ADGRV1: variants seen among roughly 807,000 people sequenced by gnomAD.
The protein encoded by ADGRV1 is adhesion G protein-coupled receptor V1.
A neutral mutation model predicts 596.2 loss-of-function variants in ADGRV1; 359 were observed. The ratio of observed to expected loss-of-function variants is 0.60; its 90% confidence interval spans 0.55 to 0.66. ADGRV1 has a LOEUF of 0.66. ADGRV1 is among the 30% of genes least tolerant of loss of function. ADGRV1 has a pLI of 0.00. For missense variants in ADGRV1, 7,274 were observed against 7,575.6 expected (o/e 0.96, Z 1.48); for synonymous variants, 2,681 against 2,679.2 (o/e 1.00, Z -0.02).
chr5:90,561,381 T>A (rs1754810268), intron 1 of ADGRV1, among the ~76,000 whole-genome samples: 1 of 152,124 alleles, frequency 6.6e-6, no homozygotes, highest in Non-Finnish European at 1.5e-5. Context: ...GCCACATATT[T>A]TAGTCACCTA....
intron 1 of ADGRV1, among the ~76,000 whole-genome samples, chr5:90,569,008 A>G (rs1756032909): frequency 6.6e-6 from 1 of 152,198 alleles, no homozygotes; most frequent in Non-Finnish European, 1.5e-5. Context: ...GAGGCTGGAA[A>G]GTCCAAGAAC....
chr5:90,560,463 T>G (rs1754670358), intron 1 of ADGRV1, among the ~76,000 whole-genome samples: 1 of 152,090 alleles, frequency 6.6e-6, no homozygotes, highest in African/African-American at 2.4e-5. Flanking sequence ...ATATCCCAAT[T>G]TATAGATAAT....
chr5:90,855,086 T>C (rs1003344746), intron 81 of ADGRV1, among the ~76,000 whole-genome samples: 1 of 152,122 alleles, frequency 6.6e-6, no homozygotes, highest in African/African-American at 2.4e-5. Context: ...GTAAAGAAAT[T>C]AAGAGGCATT....
At chr5:90,890,493 T>C (rs1770700435) in intron 83 of ADGRV1, among the ~76,000 whole-genome samples, 1 of 152,138 alleles carries the variant, frequency 6.6e-6, no homozygotes, top group Non-Finnish European at 1.5e-5. Flanking sequence ...TAAAACCCAG[T>C]GCTCAGTTCA....
At chr5:90,946,905 A>T (rs1472384674) in intron 83 of ADGRV1, among the ~76,000 whole-genome samples, 2 of 152,206 alleles carry the variant, frequency 1.3e-5, no homozygotes, top group African/African-American at 4.8e-5. Flanking sequence ...CGCAATTGTG[A>T]ATAGTGCTGC....
In ADGRV1 at chr5:90,625,255, T is replaced by A. The variant is rs778904250; in HGVS notation, c.672+12T>A. Reference sequence around the variant, plus strand: ...TACTCGATGACGAGGTTGGCTAATGTTACATACCCAAATGGGACAAGGATT... The same window carrying A: ...TACTCGATGACGAGGTTGGCTAATGATACATACCCAAATGGGACAAGGATT... On this transcript the variant is annotated intron_variant, in intron 6 of 89. Coordinates refer to ENST00000405460, the MANE Select transcript of ADGRV1 (RefSeq NM_032119.4). 1 of 1,504,932 alleles carries A rather than the reference T, an allele frequency of 6.6e-7. No homozygotes were observed. The highest frequency in any genetic ancestry group is 1.4e-5 in the African/African-American group (1 of 72,668). 93.2% of individuals were successfully genotyped at this position (1,504,932 alleles called of 1,614,324 possible).
chr5:91,064,957 A>G (rs763597991), intron 85 of ADGRV1, among the ~76,000 whole-genome samples: 6 of 152,248 alleles, frequency 3.9e-5, no homozygotes, highest in Non-Finnish European at 8.8e-5. Context: ...CTTTGGAAAG[A>G]ATGTAAATTG....
intron 70 of ADGRV1, 77 bp downstream of exon 70, chr5:90,791,423 G>A: frequency 9.3e-7 from 1 of 1,071,246 alleles, no homozygotes; most frequent in East Asian, 2.6e-5. Flanking sequence ...CTCATAATCA[G>A]TTTGAAATCT....
intron 9 of ADGRV1, among the ~76,000 whole-genome samples, chr5:90,633,619 T>A (rs1226443359): frequency 6.6e-6 from 1 of 151,872 alleles, no homozygotes; most frequent in Non-Finnish European, 1.5e-5. Context: ...TAAATAAATA[T>A]ATATGTGTAT....
At chr5:90,597,222 C>G (rs951932767) in intron 1 of ADGRV1, among the ~76,000 whole-genome samples, 1 of 152,142 alleles carries the variant, frequency 6.6e-6, no homozygotes, top group Non-Finnish European at 1.5e-5. Context: ...TTCGAGGTAG[C>G]TCAGTGGAAG....
At chr5:90,861,525 G>A (rs1385201639) in intron 82 of ADGRV1, among the ~76,000 whole-genome samples, 1 of 151,184 alleles carries the variant, frequency 6.6e-6, no homozygotes, top group Non-Finnish European at 1.5e-5. Flanking sequence ...TAGCCAGGAT[G>A]GTCTCGATCT....
chr5:90,801,534 T>G (rs1043883977), intron 70 of ADGRV1, among the ~76,000 whole-genome samples: 1 of 147,358 alleles, frequency 6.8e-6, no homozygotes, highest in Non-Finnish European at 1.5e-5. Context: ...ATTTATTTGT[T>G]TTTTTTTTTT....
chr5:90,615,472 G>A (rs1296576038), intron 2 of ADGRV1, among the ~76,000 whole-genome samples: 2 of 151,752 alleles, frequency 1.3e-5, no homozygotes, highest in Admixed American at 6.6e-5. Flanking sequence ...GTAAATGTTG[G>A]GTAGAATTTG....
intron 77 of ADGRV1, 51 bp from the exon 78 acceptor site, chr5:90,840,527 C>T: frequency 6.9e-7 from 1 of 1,446,052 alleles, no homozygotes; most frequent in Non-Finnish European, 9.3e-7. Context: ...TTGTTTAGGA[C>T]AAGATCAGAG....
chr5:91,146,357 G>C (rs1795531138), intron 87 of ADGRV1, among the ~76,000 whole-genome samples: 1 of 152,138 alleles, frequency 6.6e-6, no homozygotes, highest in South Asian at 2.1e-4. Flanking sequence ...CAGTGTAGGC[G>C]ATGTCAGGAA....
At chr5:90,847,821 G>A (rs866040955) in intron 78 of ADGRV1, among the ~76,000 whole-genome samples, 4 of 150,552 alleles carry the variant, frequency 2.7e-5, no homozygotes, top group East Asian at 1.9e-4. Flanking sequence ...CCTGGTTCCC[G>A]CCCTGGTTCC....
chr5:90,616,811 A>G (rs775885157), intron 2 of ADGRV1, among the ~76,000 whole-genome samples: 1 of 152,200 alleles, frequency 6.6e-6, no homozygotes, highest in Non-Finnish European at 1.5e-5. Context: ...AATGTTAACT[A>G]TAATTTCCCT....
intron 75 of ADGRV1, among the ~76,000 whole-genome samples, chr5:90,817,066 A>T (rs1457461956): frequency 1.3e-5 from 2 of 152,208 alleles, no homozygotes; most frequent in African/African-American, 4.8e-5. Flanking sequence ...CACCCTTTCC[A>T]GCACCTGTTG....
At chr5:90,905,825 G>A (rs1772271945) in intron 83 of ADGRV1, among the ~76,000 whole-genome samples, 2 of 152,036 alleles carry the variant, frequency 1.3e-5, no homozygotes, top group South Asian at 4.1e-4. Flanking sequence ...CAGAGGAAAG[G>A]CTTTTGGTTT....
Sources: gnomAD v4.1 joint callset for allele counts (sites outside exome capture counted in the v4.1 genomes callset) on GRCh38, gnomAD v4.1.1 for gene constraint, MANE v1.5 for transcripts, NCBI Gene and HGNC (gene_info 2026-07-23, HGNC 2026-07-21) for gene names.